The following DSP variants were observed in gnomAD, a reference collection of about 807,000 sequenced individuals.
DSP encodes desmoplakin, also known as 250/210 kDa paraneoplastic pemphigus antigen.
DSP carries 114 observed loss-of-function variants against 290.6 expected under a neutral mutation model. That is an observed-to-expected ratio of 0.39 (90% CI 0.34 to 0.46). The LOEUF (loss-of-function observed/expected upper bound fraction) is 0.46. Among genes scored for constraint, DSP ranks in the 20% least tolerant of loss-of-function variants. The probability of loss-of-function intolerance (pLI) is 0.99; values close to 1 mark genes in which losing one functional copy is unlikely to be tolerated. For synonymous variants in DSP, 1,311 were observed against 1,316.4 expected (o/e 1.00, Z 0.09); for missense variants, 3,230 against 3,495.8 (o/e 0.92, Z 1.92).
chr6:7,575,307 G>A lies in DSP; in HGVS notation c.2449G>A (p.Asp817Asn). 1 of 1,613,092 alleles carries A rather than the reference G, an allele frequency of 6.2e-7. No homozygotes were observed. The highest frequency in any genetic ancestry group is 1.3e-5 in the African/African-American group (1 of 74,788). ...TTTCATCTTGCAGAAAATAAAAAAT[G>A]ACTTGAACTTGAAGAAGTCGTTGTT... The part of the protein sequence containing the change: ...YRCGLKKIKN[D>N]LNLKKSLLAT... The change falls in exon 18 of 24, where the codon GAC (aspartate) becomes AAC (asparagine). Residue 817 changes from aspartate (D) to asparagine (N), a missense_variant. Transcript: ENST00000379802.
chr6:7,583,090 G>A lies in DSP; in HGVS notation c.5828G>A (p.Arg1943Lys), dbSNP rs1759499845. The change falls in exon 24 of 24, where the codon AGA becomes AAA. Residue 1943 changes from arginine (R) to lysine (K), a missense_variant. Arg to Lys is a conservative substitution (Grantham distance 26). Transcript: ENST00000379802. The surrounding 1 kb of genome is among the most constrained non-coding windows in gnomAD (Gnocchi z 4.0). ...SRYQREIDKL[R>K]QRPYGSHRET... ...TATCAGAGGGAGATTGATAAACTCA[G>A]ACAGCGCCCATATGGGTCCCATCGA... The A allele has an allele frequency of 6.2e-7, 1 of 1,613,992 alleles. No homozygotes were observed. Among genetic ancestry groups the A allele is most frequent in the Non-Finnish European group, 8.5e-7 (1 of 1,180,044 alleles).
chr6:7,558,382 A>G, intron 3 of DSP, 118 bp downstream of exon 3: 3 of 1,444,728 alleles, frequency 2.1e-6, no homozygotes, highest in South Asian at 1.2e-5. Context: ...GTTCCCAAGG[A>G]AAGGTTTGCT....
intron 2 of DSP, 56 bp downstream of exon 2, chr6:7,555,876 C>A: frequency 2.0e-6 from 3 of 1,533,726 alleles, no homozygotes; most frequent in Non-Finnish European, 2.7e-6. Context: ...ACCCGACTGT[C>A]CTCTGGTTAG....
chr6:7,565,798 A>G lies in DSP; in HGVS notation c.939+278A>G, dbSNP rs923389899. 8 of 441,644 alleles carry G rather than the reference A, an allele frequency of 1.8e-5. No homozygotes were observed. The highest frequency in any genetic ancestry group is 1.0e-4 in the African/African-American group (5 of 49,854). The allele number at this position is 441,644 out of a possible 1,614,324, so 27.4% of individuals were successfully genotyped here. A position where few individuals can be genotyped will look rare whatever the true frequency, so the allele number is the denominator to read the frequency against. On this transcript the variant is annotated intron_variant, in intron 7 of 23. Transcript: ENST00000379802. The surrounding 1 kb of genome is among the most constrained non-coding windows in gnomAD (Gnocchi z 4.2). ...AGAATACATGGATACATCGAGGGCA[A>G]CAACACACACTGGGGCCTTTCGGAG...
At chr6:7,549,857 T>G (rs1017438515) in intron 1 of DSP, among the ~76,000 whole-genome samples, 2 of 152,188 alleles carry the variant, frequency 1.3e-5, no homozygotes, top group African/African-American at 4.8e-5. Flanking sequence ...GGGGGCATGG[T>G]CCAAGTGTCT....
intron 11 of DSP, 128 bp from the exon 12 acceptor site, chr6:7,569,058 C>T (rs1758950396): frequency 7.8e-7 from 1 of 1,273,972 alleles, no homozygotes; most frequent in African/African-American, 1.5e-5. Context: ...TGATCAGCTT[C>T]ATTTGAGGGG....
In DSP at chr6:7,580,596, TTGA is replaced by T; in HGVS notation, c.4412_4414del (p.Asp1471del). On this transcript the variant is annotated inframe_deletion, in exon 23 of 24. Transcript: ENST00000379802. The surrounding 1 kb of genome is among the most constrained non-coding windows in gnomAD (Gnocchi z 4.2). Reference sequence around the variant, plus strand: ...GAGAGCGTAAGATATAAGCAATCTCTTGATGATGCTGCCAAAACCATCCAGGAT... The same window carrying T: ...GAGAGCGTAAGATATAAGCAATCTCTTGATGCTGCCAAAACCATCCAGGAT... 2 of 1,614,080 alleles carry T rather than the reference TTGA, an allele frequency of 1.2e-6. No homozygotes were observed. The highest frequency in any genetic ancestry group is 1.7e-6 in the Non-Finnish European group (2 of 1,180,020).
intron 5 of DSP, among the ~76,000 whole-genome samples, 171 bp downstream of exon 5, chr6:7,562,951 T>C (rs1246650222): frequency 6.6e-6 from 1 of 152,234 alleles, no homozygotes; most frequent in African/African-American, 2.4e-5. Context: ...AGTAGCCCTA[T>C]TAGAGATTAT....
In DSP at chr6:7,578,472, T is replaced by G. The variant is rs755610951; in HGVS notation, c.2994T>G (p.Asp998Glu). ...PSGVILQEAA[D>E]VHARYIELLT... Reference sequence around the variant, plus strand: ...CCTTCCTTTTCTCCAAGGCTGCAGATGTTCATGCTCGGTACATTGAACTAC... The same window carrying G: ...CCTTCCTTTTCTCCAAGGCTGCAGAGGTTCATGCTCGGTACATTGAACTAC... Residue 998 changes from aspartate to glutamate, a missense_variant, in exon 22 of 24, where the codon GAT becomes GAG. Asp to Glu is a conservative substitution (Grantham distance 45). Coordinates refer to ENST00000379802, the MANE Select transcript of DSP (RefSeq NM_004415.4). 3.1e-6 allele frequency: 5 copies of G among 1,613,606 alleles called. No individual in the cohort carries two copies. Among genetic ancestry groups the G allele is most frequent in the Non-Finnish European group, 4.2e-6 (5 of 1,179,648 alleles).
Position 7,565,599 on chromosome 6 carries a change from G to T in DSP, c.939+79G>T. 1 of 1,557,304 alleles carries T rather than the reference G, an allele frequency of 6.4e-7. No individual in the cohort carries two copies. The highest frequency in any genetic ancestry group is 8.8e-7 in the Non-Finnish European group (1 of 1,132,706). ...GAGCTGGGGTCTCGGGGAATGATTG[G>T]TCTATTAATAATTTAATCAGCCACT... is the stretch of plus-strand genomic sequence containing the variant. On this transcript the variant is annotated intron_variant, in intron 7 of 23. Transcript: ENST00000379802. This position sits in a 1 kb window ranked among gnomAD's most constrained non-coding sequence, Gnocchi z 4.2.
rs774087560 is a variant in DSP at position 7,584,337 on chromosome 6, A to G, written c.7075A>G (p.Ile2359Val). 10 of 1,614,016 alleles carry G rather than the reference A, an allele frequency of 6.2e-6. No individual in the cohort carries two copies. Among genetic ancestry groups the G allele is most frequent in the Non-Finnish European group, 8.5e-6 (10 of 1,179,972 alleles). The change falls in exon 24 of 24, where the codon ATC becomes GTC. Residue 2359 changes from isoleucine to valine, a missense_variant. Transcript: ENST00000379802. This position sits in a 1 kb window ranked among gnomAD's most constrained non-coding sequence, Gnocchi z 6.4. ...GTTCCAAGCCATGAATAAGGAACTC[A>G]TCGAAAAGGGCCACGGTATTCGCTT... ...SLFQAMNKEL[I>V]EKGHGIRLLE...
In DSP at chr6:7,562,764, A is replaced by G; in HGVS notation, c.710A>G (p.Lys237Arg). The change falls in exon 5 of 24, where the codon AAA becomes AGA. Residue 237 changes from lysine (K) to arginine (R), a missense_variant. Transcript: ENST00000379802. ...GGCGACTATCGCTGGCAGCTGGACA[A>G]AATCAAAGCCGACCTGGTACTTGTC... ...SIGDYRWQLD[K>R]IKADLREKSA... The G allele has an allele frequency of 1.2e-6, 2 of 1,614,166 alleles. No homozygotes were observed. Among genetic ancestry groups the G allele is most frequent in the African/African-American group, 1.3e-5 (1 of 75,064 alleles).
rs765435108 is a variant in DSP at position 7,559,447 on chromosome 6, C to T, written c.597+47C>T. 9.3e-6 allele frequency: 15 copies of T among 1,609,484 alleles called. 1 individual carries two copies. The South Asian group carries it at 9.9e-5, about 11-fold the overall frequency. On this transcript the variant is annotated intron_variant, in intron 4 of 23. Transcript: ENST00000379802. ...CCAAACCTGTGCAGGCCAGACGTTC[C>T]AGCACGATGGGGTCAGCCCATGTGT...
At chr6:7,552,978 G>A (rs1201527499) in intron 1 of DSP, among the ~76,000 whole-genome samples, 1 of 152,196 alleles carries the variant, frequency 6.6e-6, no homozygotes, top group Non-Finnish European at 1.5e-5. Context: ...TTAAAAATGT[G>A]TATGTACACT....
rs1373071129 is a variant in DSP, at chr6:7,577,032, A to G, written c.2867A>G (p.Asn956Ser). 3.7e-6 allele frequency: 6 copies of G among 1,611,258 alleles called. No individual in the cohort carries two copies. In the East Asian group the frequency reaches 6.7e-5, roughly 18 times the overall value. Reference protein sequence around the residue: ...EVQKIAELCANSIKDYELQLA... With the variant: ...EVQKIAELCASSIKDYELQLA... The stretch of plus-strand genomic sequence containing the variant: ...CAAAAAATTGCTGAACTTTGCGCCA[A>G]TTCAATTAAGGTATGTTGGTTTCAT... Residue 956 changes from asparagine to serine, a missense_variant, in exon 20 of 24, where the codon AAT becomes AGT. Transcript: ENST00000379802.
Position 7,577,052 on chromosome 6 carries a change from T to C in DSP, c.2877+10T>C. The C allele has an allele frequency of 1.2e-6, 2 of 1,600,606 alleles. No homozygotes were observed. Among genetic ancestry groups the C allele is most frequent in the Non-Finnish European group, 1.7e-6 (2 of 1,171,652 alleles). On this transcript the variant is annotated intron_variant, in intron 20 of 23. Coordinates refer to ENST00000379802, the MANE Select transcript of DSP (RefSeq NM_004415.4). ...CGCCAATTCAATTAAGGTATGTTGG[T>C]TTCATAAAGAATGTTGGTATTTCAC...
chr6:7,571,214 G>A (rs965633217), intron 13 of DSP, among the ~76,000 whole-genome samples, 169 bp from the exon 14 acceptor site: 5 of 151,718 alleles, frequency 3.3e-5, no homozygotes, highest in African/African-American at 1.2e-4. Context: ...CATTCCTGTG[G>A]CTCTTGGGAA....
intron 1 of DSP, among the ~76,000 whole-genome samples, chr6:7,554,143 G>C (rs73375310): frequency 1.2e-5 from 1 of 82,368 alleles, no homozygotes; most frequent in African/African-American, 5.5e-5. Flanking sequence ...GGTTAGACAG[G>C]CATCAGATAA....
At chr6:7,544,526 A>C (rs1298723215) in intron 1 of DSP, among the ~76,000 whole-genome samples, 1 of 151,198 alleles carries the variant, frequency 6.6e-6, no homozygotes, top group East Asian at 1.9e-4. Flanking sequence ...TAGTATAAAA[A>C]CTATTGGTTG....
Sources: allele counts gnomAD v4.1 joint callset (sites outside exome capture counted in the v4.1 genomes callset), GRCh38; gene constraint gnomAD v4.1.1; non-coding constraint Gnocchi (gnomAD v3.1); transcripts MANE v1.5; gene names NCBI Gene and HGNC (gene_info 2026-07-23, HGNC 2026-07-21).